ZNF540: variants seen among roughly 807,000 people sequenced by gnomAD.
ZNF540 encodes the protein CTD-3064H18.6.
In ZNF540, 3 loss-of-function variants were observed where a neutral mutation model predicts 11.8. The ratio of observed to expected loss-of-function variants is 0.25; its 90% CI spans 0.12 to 0.65. The LOEUF (loss-of-function observed/expected upper bound fraction) is 0.65. ZNF540 is among the 30% of genes least tolerant of loss of function. The probability of loss-of-function intolerance (pLI) is 0.83; values close to 1 mark genes in which losing one functional copy is unlikely to be tolerated. For synonymous variants in ZNF540, 247 were observed against 259.0 expected (o/e 0.95, Z 0.45); for missense variants, 709 against 793.1 (o/e 0.89, Z 1.27).
At chr19:37,598,260 G>A in intron 1 of ZNF540, 116 bp from the exon 2 acceptor site, 1 of 607,366 alleles carries the variant, frequency 1.6e-6, no homozygotes, top group Non-Finnish European at 3.0e-6. Flanking sequence ...TGAGGGAAGT[G>A]TAGGGGAGGT....
rs926011366 is a variant in ZNF540 at position 37,613,959 on chromosome 19, A to G, written c.*696A>G. ...GCCAAAGAGCCAGCTAGCTCTTTCA[A>G]CCACATGAGGTTACAGCAAGAAGTC... is the stretch of plus-strand genomic sequence containing the variant. On this transcript the variant is annotated 3_prime_UTR_variant, in exon 5 of 5. Coordinates refer to ENST00000316433, the MANE Select transcript of ZNF540 (RefSeq NM_001172225.3). 2.5e-6 allele frequency: 1 copy of G among 398,150 alleles called. No homozygotes were observed. Among genetic ancestry groups the G allele is most frequent in the Non-Finnish European group, 4.4e-6 (1 of 225,822 alleles). The allele number at this position is 398,150 out of a possible 1,614,324, so 24.7% of individuals were successfully genotyped here.
rs542512301 is a variant in ZNF540 at position 37,558,519 on chromosome 19, C to T, written c.-73+6854C>T. On this transcript the variant is annotated intron_variant, in intron 1 of 4. Transcript: ENST00000592533. ...CGCCTTAGACAAGTTTATGGGTTTC[C>T]GAGCAGCTCCCTTAATACCTGCGAG... 2.9e-4 allele frequency among the ~76,000 whole-genome samples: 44 copies of T among 152,088 alleles called. 1 individual carries two copies. Among genetic ancestry groups the T allele is most frequent in the Admixed American group, 5.2e-4 (8 of 15,280 alleles).
At chr19:37,571,777 CATG>C (rs1473156117) in intron 1 of ZNF540, among the ~76,000 whole-genome samples, 2 of 152,176 alleles carry the variant, frequency 1.3e-5, no homozygotes, top group East Asian at 3.9e-4. Context: ...TTAACAGAAA[CATG>C]ATAAGTATGG....
At chr19:37,575,603 A>G (rs1253157089) in intron 1 of ZNF540, 1 of 152,184 alleles carries the variant, frequency 6.6e-6, no homozygotes, top group Non-Finnish European at 1.5e-5. Context: ...GGATGAAACT[A>G]TGCCTGCCAT....
rs556874150 is a variant in ZNF540, at chr19:37,556,217, C to T, written c.-73+4552C>T. Reference sequence around the variant, plus strand: ...AGGAGACTTCCTTGGAGGTACTGGCCCTCCAAGTGGTGTTTGCAAATACAC... The same window carrying T: ...AGGAGACTTCCTTGGAGGTACTGGCTCTCCAAGTGGTGTTTGCAAATACAC... On this transcript the variant is annotated intron_variant, in intron 1 of 4. Transcript: ENST00000592533. The T allele has an allele frequency of 1.7e-5, 11 of 659,498 alleles. No homozygotes were observed. The East Asian group carries it at 3.0e-4, about 18-fold the overall frequency. The allele number at this position is 659,498 out of a possible 1,614,324, so 40.9% of individuals were successfully genotyped here.
Position 37,613,302 on chromosome 19 carries a change from A to G in ZNF540, c.*39A>G, listed in dbSNP as rs1338153137. ...TTCCATGTCATGCTCTATTTATAGA[A>G]TATCAAAATATTTATGGCCAGAAGT... On this transcript the variant is annotated 3_prime_UTR_variant, in exon 5 of 5. Coordinates refer to ENST00000316433, the MANE Select transcript of ZNF540 (RefSeq NM_001172225.3). The G allele has an allele frequency of 1.5e-6, 2 of 1,352,454 alleles. No homozygotes were observed. The highest frequency in any genetic ancestry group is 1.9e-6 in the Non-Finnish European group (2 of 1,026,516). The allele number at this position is 1,352,454 out of a possible 1,614,324, so 83.8% of individuals were successfully genotyped here.
intron 4 of ZNF540, among the ~76,000 whole-genome samples, chr19:37,604,580 T>G (rs1227545534): frequency 4.6e-5 from 7 of 152,066 alleles, no homozygotes; most frequent in African/African-American, 1.7e-4. Context: ...GTGCTGGGAT[T>G]ACAGGCATGA....
intron 1 of ZNF540, chr19:37,584,177 T>G: frequency 6.3e-7 from 1 of 1,597,730 alleles, no homozygotes; most frequent in African/African-American, 1.3e-5. Flanking sequence ...AGGAGGTAAT[T>G]GAAGGAAGCA....
intron 1 of ZNF540, chr19:37,585,520 G>A (rs2043639978): frequency 6.6e-6 from 1 of 152,172 alleles, no homozygotes; most frequent in South Asian, 2.1e-4. Flanking sequence ...AATGACCTGA[G>A]ACTGCACATT....
At chr19:37,609,130 A>G (rs1209679908) in intron 4 of ZNF540, among the ~76,000 whole-genome samples, 1 of 152,254 alleles carries the variant, frequency 6.6e-6, no homozygotes, top group Non-Finnish European at 1.5e-5. Flanking sequence ...ACCATTCAAC[A>G]TGGCACATAC....
In ZNF540 at chr19:37,565,808, G is replaced by C. The variant is rs754114669; in HGVS notation, c.-73+14143G>C. On this transcript the variant is annotated intron_variant, in intron 1 of 4. Coordinates refer to the ZNF540 transcript ENST00000592533. ...TTTCTGATGTTGAATGAGATCAGAA[G>C]TACGACCAAAGGCCTTTCCACATTC... The C allele has an allele frequency of 2.5e-6, 4 of 1,612,018 alleles. No individual in the cohort carries two copies. In the South Asian group the frequency reaches 3.3e-5, roughly 13 times the overall value.
chr19:37,598,530 G>A, intron 2 of ZNF540, 74 bp downstream of exon 2: 1 of 1,539,470 alleles, frequency 6.5e-7, no homozygotes, highest in East Asian at 2.2e-5. Flanking sequence ...CACTCTTTAT[G>A]CTGACACTTC....
intron 1 of ZNF540, among the ~76,000 whole-genome samples, chr19:37,581,984 A>G (rs183865860): frequency 9.6e-4 from 146 of 152,228 alleles, no homozygotes; most frequent in Middle Eastern, 6.8e-3. Flanking sequence ...AATTTGTTCC[A>G]TGGATTTTTA....
At chr19:37,556,552 C>T (rs999671194) in intron 1 of ZNF540, among the ~76,000 whole-genome samples, 3 of 152,176 alleles carry the variant, frequency 2.0e-5, no homozygotes, top group African/African-American at 7.2e-5. Flanking sequence ...AACTTTTTAA[C>T]AAACACTAGG....
At chr19:37,596,656 TAGAC>T (rs1315613259) in intron 1 of ZNF540, among the ~76,000 whole-genome samples, 7 of 152,216 alleles carry the variant, frequency 4.6e-5, no homozygotes, top group South Asian at 4.1e-4. Context: ...TTATTTTCCT[TAGAC>T]AGGGTCATAG....
At chr19:37,586,617 A>C in intron 1 of ZNF540, 1 of 1,611,042 alleles carries the variant, frequency 6.2e-7, no homozygotes, top group Admixed American at 1.7e-5. Context: ...TGGTGTTCAC[A>C]TTACACAACA....
At chr19:37,581,493 T>C (rs868393990) in intron 1 of ZNF540, among the ~76,000 whole-genome samples, 1 of 149,492 alleles carries the variant, frequency 6.7e-6, no homozygotes, top group Non-Finnish European at 1.5e-5. Flanking sequence ...GGAGACATGG[T>C]CTTGCTCTGT....
At chr19:37,578,776 G>A (rs1329311924) in intron 1 of ZNF540, among the ~76,000 whole-genome samples, 1 of 152,066 alleles carries the variant, frequency 6.6e-6, no homozygotes, top group African/African-American at 2.4e-5. Flanking sequence ...CCTCTGAGGC[G>A]GCTAAGGCTC....
At chr19:37,589,053 AGCTGGGTGTGGTGGCGGGT>A (rs1479379415) in intron 1 of ZNF540, among the ~76,000 whole-genome samples, 2 of 151,978 alleles carry the variant, frequency 1.3e-5, no homozygotes, top group African/African-American at 4.8e-5. Context: ...TACAAAAATT[AGCTGGGTGTGGTGGCGGGT>A]GCTTGTGATC....
Sources: gnomAD v4.1 joint callset for allele counts (sites outside exome capture counted in the v4.1 genomes callset) on GRCh38, gnomAD v4.1.1 for gene constraint, MANE v1.5 for transcripts, NCBI Gene and HGNC (gene_info 2026-07-23, HGNC 2026-07-21) for gene names.